The following NAV3 variants were observed in gnomAD, a reference collection of about 807,000 sequenced individuals.
The protein encoded by NAV3 is pore membrane and/or filament interacting like protein 1.
Under a neutral mutation model 244.7 loss-of-function variants are expected in NAV3, and 87 were observed. The observed-to-expected ratio is 0.36, with a 90% CI of 0.30 to 0.42. The LOEUF (loss-of-function observed/expected upper bound fraction) is 0.42. Among genes scored for constraint, NAV3 ranks in the 20% least tolerant of loss-of-function variants. The probability of loss-of-function intolerance (pLI) is 1.00; values close to 1 mark genes in which losing one functional copy is unlikely to be tolerated. For synonymous variants in NAV3, 1,126 were observed against 1,042.2 expected, an observed-to-expected ratio of 1.08 and a Z score of -1.55; for missense variants, 2,663 against 2,893.3, an observed-to-expected ratio of 0.92 and a Z score of 1.83.
At chr12:77,642,353 T>C (rs1872452059) in intron 2 of NAV3, among the ~76,000 whole-genome samples, 1 of 152,088 alleles carries the variant, frequency 6.6e-6, no homozygotes, top group South Asian at 2.1e-4. Context: ...TCAGGAGCGT[T>C]GGTTTGTAGA....
intron 2 of NAV3, among the ~76,000 whole-genome samples, chr12:77,716,212 G>C (rs1876353982): frequency 6.6e-6 from 1 of 151,440 alleles, no homozygotes; most frequent in South Asian, 2.1e-4. Context: ...GATATCTTAA[G>C]TGTTTATGTT....
At chr12:78,145,777 G>A (rs1049193113) in intron 20 of NAV3, among the ~76,000 whole-genome samples, 2 of 152,096 alleles carry the variant, frequency 1.3e-5, no homozygotes, top group African/African-American at 4.8e-5. Context: ...TAAGCGTTTT[G>A]CTGACTTGTG....
chr12:77,829,293 TA>T (rs1360383688), upstream of NAV3, among the ~76,000 whole-genome samples: 3 of 152,232 alleles, frequency 2.0e-5, no homozygotes, highest in Non-Finnish European at 2.9e-5. Context: ...TATACCCAAT[TA>T]TTTTTTTATG....
chr12:77,898,858 T>G (rs1420512909), intron 1 of NAV3, among the ~76,000 whole-genome samples: 1 of 152,118 alleles, frequency 6.6e-6, no homozygotes, highest in Non-Finnish European at 1.5e-5. Flanking sequence ...GATTCACCAT[T>G]ATAGATGTCA....
At chr12:77,900,472 A>T (rs1885153317) in intron 1 of NAV3, among the ~76,000 whole-genome samples, 1 of 152,188 alleles carries the variant, frequency 6.6e-6, no homozygotes, top group Non-Finnish European at 1.5e-5. Flanking sequence ...TTCACTTAGG[A>T]TAATGGCCTC....
intron 1 of NAV3, among the ~76,000 whole-genome samples, chr12:77,842,737 T>A (rs1372740682): frequency 6.6e-6 from 1 of 152,028 alleles, no homozygotes; most frequent in African/African-American, 2.4e-5. Flanking sequence ...GAAGCTCATA[T>A]TACAATCCTT....
chr12:77,882,334 ACT>A (rs1437521868), intron 1 of NAV3, among the ~76,000 whole-genome samples: 5 of 152,160 alleles, frequency 3.3e-5, no homozygotes, highest in African/African-American at 1.2e-4. Flanking sequence ...TGGGGAAAGG[ACT>A]CTCTATTTCA....
chr12:78,090,954 CTGTGTGTGTGTG>C (rs10581059), intron 12 of NAV3, among the ~76,000 whole-genome samples: 1,837 of 142,634 alleles, frequency 0.013, 36 homozygotes, highest in East Asian at 0.042. Context: ...GTGCTGTATT[CTGTGTGTGTGTG>C]TGTGTGTGTG....
intron 16 of NAV3, 83 bp downstream of exon 16, chr12:78,122,511 A>G (rs1955719000): frequency 2.7e-6 from 4 of 1,472,404 alleles, no homozygotes; most frequent in Non-Finnish European, 3.6e-6. Context: ...AATTCCCTTG[A>G]TTTCACTGTG....
intron 2 of NAV3, among the ~76,000 whole-genome samples, chr12:77,645,900 C>T (rs956190859): frequency 5.9e-5 from 9 of 152,020 alleles, no homozygotes; most frequent in African/African-American, 2.2e-4. Flanking sequence ...GGCTAGGACA[C>T]TGTATCAGGC....
chr12:78,001,404 G>T (rs1873280956), intron 7 of NAV3, among the ~76,000 whole-genome samples: 1 of 152,118 alleles, frequency 6.6e-6, no homozygotes, highest in Non-Finnish European at 1.5e-5. Context: ...ACTCTGAGAG[G>T]ATGAGTTACA....
At chr12:77,773,128 T>C (rs1259485516) in intron 2 of NAV3, among the ~76,000 whole-genome samples, 1 of 152,232 alleles carries the variant, frequency 6.6e-6, no homozygotes, top group Non-Finnish European at 1.5e-5. Context: ...ATTTATTTGG[T>C]TGGCATGCCC....
intron 7 of NAV3, among the ~76,000 whole-genome samples, chr12:78,000,566 C>G (rs1285165857): frequency 5.2e-5 from 7 of 133,730 alleles, no homozygotes; most frequent in South Asian, 2.5e-4. Flanking sequence ...TGCAGTGGCG[C>G]GATCTCGGCT....
intron 5 of NAV3, among the ~76,000 whole-genome samples, chr12:77,986,879 AT>A (rs1832275141): frequency 6.6e-6 from 1 of 152,154 alleles, no homozygotes; most frequent in African/African-American, 2.4e-5. Context: ...TAGAAAAAAA[AT>A]GTTCCATGAT....
At chr12:78,023,070 A>G (rs2619058) in intron 9 of NAV3, among the ~76,000 whole-genome samples, 29,812 of 152,120 alleles carry the variant, frequency 0.2, 3,571 homozygotes, top group East Asian at 0.35. Context: ...TGTGTCTATT[A>G]TGACCAGATG....
At chr12:77,628,234 T>C (rs761424328) in intron 2 of NAV3, among the ~76,000 whole-genome samples, 9 of 152,234 alleles carry the variant, frequency 5.9e-5, no homozygotes, top group Admixed American at 6.5e-5. Flanking sequence ...ACATATTGTA[T>C]GCAGGTATTA....
At chr12:78,208,525 G>A (rs966174177) in intron 39 of NAV3, among the ~76,000 whole-genome samples, 8 of 152,124 alleles carry the variant, frequency 5.3e-5, no homozygotes, top group South Asian at 2.1e-4. Context: ...TAAATCATAC[G>A]TAATCTTCTC....
chr12:78,012,379 G>A lies in NAV3; in HGVS notation c.1907+4934G>A, dbSNP rs564089579. On this transcript the variant is annotated intron_variant, in intron 8 of 39. Transcript: ENST00000397909. ...GATGGCATTTTGACCTTCTAAAAGC[G>A]TAAATCATATATCTTATTCTAATTA... 5.9e-5 allele frequency among the ~76,000 whole-genome samples: 9 copies of A among 151,980 alleles called. No homozygotes were observed. In the South Asian group the frequency reaches 1.0e-3, roughly 18 times the overall value.
intron 12 of NAV3, among the ~76,000 whole-genome samples, chr12:78,103,540 C>G (rs192010110): frequency 3.3e-5 from 5 of 152,158 alleles, no homozygotes; most frequent in Non-Finnish European, 7.4e-5. Context: ...AGCAATGCCC[C>G]GCTCTACTGG....
Sources: gnomAD v4.1 joint callset for allele counts (sites outside exome capture counted in the v4.1 genomes callset) on GRCh38, gnomAD v4.1.1 for gene constraint, MANE v1.5 for transcripts, NCBI Gene and HGNC (gene_info 2026-07-23, HGNC 2026-07-21) for gene names.